Variants in RALYL observed in about 807,000 individuals in gnomAD.
RALYL encodes RALY RNA binding protein like.
RALYL carries 29 observed loss-of-function variants against 35.1 expected under a neutral mutation model. The ratio of observed to expected loss-of-function variants is 0.83; its 90% CI spans 0.61 to 1.13. The LOEUF is 1.13. Ranked by LOEUF, RALYL falls within the 50% of genes most tolerant of loss-of-function variation. The probability of loss-of-function intolerance (pLI) is 0.00; values close to 1 mark genes in which losing one functional copy is unlikely to be tolerated. For synonymous variants in RALYL, 120 were observed against 127.6 expected, an observed-to-expected ratio of 0.94 and a Z score of 0.40; for missense variants, 359 against 360.4, an observed-to-expected ratio of 1.00 and a Z score of 0.03.
chr8:84,488,103 C>A (rs1375632786), intron 1 of RALYL, among the ~76,000 whole-genome samples: 1 of 152,028 alleles, frequency 6.6e-6, no homozygotes, highest in African/African-American at 2.4e-5. Flanking sequence ...AATAATTTAT[C>A]ATGAGATGAT....
intron 1 of RALYL, among the ~76,000 whole-genome samples, chr8:84,414,601 A>T (rs2044440340): frequency 6.6e-6 from 1 of 152,178 alleles, no homozygotes; most frequent in Non-Finnish European, 1.5e-5. Flanking sequence ...TTTAAGATTC[A>T]ACTATCAACA....
At chr8:84,673,215 G>A (rs1389894918) in intron 2 of RALYL, among the ~76,000 whole-genome samples, 1 of 151,928 alleles carries the variant, frequency 6.6e-6, no homozygotes, top group Non-Finnish European at 1.5e-5. Context: ...TTTTTAATGG[G>A]GTTGTTTGTT....
At chr8:84,244,462 A>C (rs1216327821) in intron 1 of RALYL, among the ~76,000 whole-genome samples, 3 of 152,218 alleles carry the variant, frequency 2.0e-5, no homozygotes, top group African/African-American at 7.2e-5. Context: ...CTGAGTAGTC[A>C]GAATTGTACC....
chr8:84,332,429 A>T (rs1168941359), intron 1 of RALYL, among the ~76,000 whole-genome samples: 1 of 152,142 alleles, frequency 6.6e-6, no homozygotes, highest in South Asian at 2.1e-4. Flanking sequence ...ATATGCATAT[A>T]CAAGTTCTGA....
chr8:84,370,449 C>CAT (rs1378004157), intron 1 of RALYL, among the ~76,000 whole-genome samples: 1 of 152,014 alleles, frequency 6.6e-6, no homozygotes, highest in Admixed American at 6.6e-5. Flanking sequence ...CACACACACA[C>CAT]ACACACATAT....
At chr8:84,651,896 G>A (rs1828917328) in intron 2 of RALYL, among the ~76,000 whole-genome samples, 1 of 151,986 alleles carries the variant, frequency 6.6e-6, no homozygotes, top group African/African-American at 2.4e-5. Context: ...TAATTTAAAA[G>A]AGTAGAAAAA....
At chr8:84,701,244 T>A (rs1253977573) in intron 2 of RALYL, among the ~76,000 whole-genome samples, 1 of 152,180 alleles carries the variant, frequency 6.6e-6, no homozygotes, top group Admixed American at 6.5e-5. Context: ...TTGAAGCCCC[T>A]GCTGGGAGTA....
intron 2 of RALYL, among the ~76,000 whole-genome samples, chr8:84,569,267 G>C (rs921704972): frequency 1.3e-5 from 2 of 151,966 alleles, no homozygotes; most frequent in Admixed American, 6.6e-5. Context: ...TCTACATATG[G>C]CTAGCCAGTT....
chr8:84,621,159 C>T (rs1051854176), intron 2 of RALYL, among the ~76,000 whole-genome samples: 9 of 152,194 alleles, frequency 5.9e-5, no homozygotes, highest in African/African-American at 2.2e-4. Context: ...CTAAGCACGC[C>T]TGGGCAATGG....
chr8:84,418,990 C>G (rs949792286), intron 1 of RALYL, among the ~76,000 whole-genome samples: 3 of 152,100 alleles, frequency 2.0e-5, no homozygotes, highest in African/African-American at 7.2e-5. Context: ...CAACTGCAGC[C>G]TAGTTCTCTC....
intron 1 of RALYL, among the ~76,000 whole-genome samples, chr8:84,468,593 A>C (rs1415552747): frequency 1.4e-5 from 2 of 147,016 alleles, no homozygotes; most frequent in Non-Finnish European, 3.0e-5. Flanking sequence ...CCTTCATTTC[A>C]ACTTTGGTGA....
At chr8:84,423,690 G>A (rs1217261894) in intron 1 of RALYL, among the ~76,000 whole-genome samples, 2 of 151,774 alleles carry the variant, frequency 1.3e-5, no homozygotes, top group East Asian at 3.9e-4. Context: ...GCTGGTACCG[G>A]TTGTTCCTTT....
At chr8:84,563,949 G>C (rs1388772969) in intron 2 of RALYL, among the ~76,000 whole-genome samples, 1 of 151,516 alleles carries the variant, frequency 6.6e-6, no homozygotes, top group African/African-American at 2.4e-5. Flanking sequence ...AATTTTTACA[G>C]GTATGTAAAA....
Position 84,478,922 on chromosome 8 carries a change from T to TAAAAAAAAAAAAAAAAAA in RALYL, c.-23-50372_-23-50371insAAAAAAAAAAAAAAAAAA, listed in dbSNP as rs1587656659. Among the ~76,000 whole-genome samples, 126 of 85,206 alleles carry TAAAAAAAAAAAAAAAAAA rather than the reference T, an allele frequency of 1.5e-3. 5 individuals carry two copies. The highest frequency in any genetic ancestry group is 5.1e-3 in the East Asian group (12 of 2,350). 55.9% of individuals were successfully genotyped at this position (85,206 alleles called of 152,430 possible). On this transcript the variant is annotated intron_variant, in intron 1 of 8. Transcript: ENST00000521268. ...TAACACCGTGAAACCCCGTCTCTAC[T>TAAAAAAAAAAAAAAAAAA]AAAAATACAAAACATTAGCCGGGCA...
At chr8:84,737,793 T>A (rs1446722157) in intron 2 of RALYL, among the ~76,000 whole-genome samples, 2 of 151,896 alleles carry the variant, frequency 1.3e-5, no homozygotes, top group Admixed American at 6.6e-5. Flanking sequence ...TCCACAGAGA[T>A]TCCTTCCTCC....
At chr8:84,296,355 G>T (rs114099737) in intron 1 of RALYL, among the ~76,000 whole-genome samples, 85 of 152,114 alleles carry the variant, frequency 5.6e-4, no homozygotes, top group African/African-American at 1.9e-3. Flanking sequence ...AAGACTAAAA[G>T]GTTCCCAAGA....
intron 1 of RALYL, among the ~76,000 whole-genome samples, chr8:84,304,286 T>A (rs1841382465): frequency 6.6e-6 from 1 of 151,934 alleles, no homozygotes; most frequent in African/African-American, 2.4e-5. Flanking sequence ...CCCAGCTAAT[T>A]TTTTGTATTT....
chr8:84,316,694 G>C (rs563731600), intron 1 of RALYL, among the ~76,000 whole-genome samples: 1 of 152,154 alleles, frequency 6.6e-6, no homozygotes, highest in African/African-American at 2.4e-5. Context: ...TTTAAACTTA[G>C]CACCTTCTTA....
At chr8:84,348,341 C>G (rs1354775052) in intron 1 of RALYL, among the ~76,000 whole-genome samples, 1 of 152,090 alleles carries the variant, frequency 6.6e-6, no homozygotes, top group Non-Finnish European at 1.5e-5. Flanking sequence ...TGAGTAATGA[C>G]TGAGCTGAAA....
Sources: gnomAD v4.1 joint callset for allele counts (sites outside exome capture counted in the v4.1 genomes callset) on GRCh38, gnomAD v4.1.1 for gene constraint, MANE v1.5 for transcripts, NCBI Gene and HGNC (gene_info 2026-07-23, HGNC 2026-07-21) for gene names.